The following RUNX2 variants were observed in gnomAD, a reference collection of about 807,000 sequenced individuals.
RUNX2 encodes runt-related transcription factor 2.
Under a neutral mutation model 51.7 loss-of-function variants are expected in RUNX2, and 10 were observed. That is an observed-to-expected ratio of 0.19 (90% CI 0.12 to 0.33). The LOEUF (loss-of-function observed/expected upper bound fraction) is 0.33. Ranked by LOEUF, RUNX2 falls within the 10% of genes least tolerant of loss-of-function variation. RUNX2 has a pLI of 1.00. For missense variants in RUNX2, 562 were observed against 691.3 expected (o/e 0.81, Z 2.10); for synonymous variants, 276 against 273.6 (o/e 1.01, Z -0.09).
intron 2 of RUNX2, among the ~76,000 whole-genome samples, chr6:45,362,742 T>C (rs1438603287): frequency 6.6e-6 from 1 of 152,174 alleles, no homozygotes. Context: ...TAGCCAACAA[T>C]AACTTTTGCA....
intron 5 of RUNX2, among the ~76,000 whole-genome samples, chr6:45,471,632 G>T (rs1042198664): frequency 6.6e-6 from 1 of 152,014 alleles, no homozygotes; most frequent in Non-Finnish European, 1.5e-5. Flanking sequence ...TTTTAATAGA[G>T]ATGGGGTTTC....
intron 7 of RUNX2, among the ~76,000 whole-genome samples, chr6:45,513,265 C>T (rs1801216044): frequency 6.6e-6 from 1 of 152,178 alleles, no homozygotes; most frequent in Non-Finnish European, 1.5e-5. Flanking sequence ...GAACTGCAAA[C>T]ATTGTCCCCA....
chr6:45,440,265 T>A (rs1297564660), intron 5 of RUNX2, among the ~76,000 whole-genome samples: 1 of 152,212 alleles, frequency 6.6e-6, no homozygotes, highest in Admixed American at 6.5e-5. Flanking sequence ...TTTTCCTCCC[T>A]GTTCTTGGCC....
At chr6:45,506,528 T>C (rs1336685008) in intron 6 of RUNX2, among the ~76,000 whole-genome samples, 1 of 152,170 alleles carries the variant, frequency 6.6e-6, no homozygotes, top group East Asian at 1.9e-4. Flanking sequence ...TAAAAACATG[T>C]CAATTTGTTG....
At chr6:45,464,475 A>G (rs528524690) in intron 5 of RUNX2, among the ~76,000 whole-genome samples, 105 of 152,298 alleles carry the variant, frequency 6.9e-4, no homozygotes, top group African/African-American at 2.0e-3. Context: ...AGTGAAATAC[A>G]AGTCCTTTAC....
chr6:45,516,492 C>T (rs1221529311), intron 7 of RUNX2, among the ~76,000 whole-genome samples: 1 of 152,186 alleles, frequency 6.6e-6, no homozygotes, highest in African/African-American at 2.4e-5. Flanking sequence ...ACCTCCTTTC[C>T]TACCATACTT....
At chr6:45,381,187 C>A (rs994523229) in intron 2 of RUNX2, among the ~76,000 whole-genome samples, 2 of 152,076 alleles carry the variant, frequency 1.3e-5, no homozygotes, top group Non-Finnish European at 2.9e-5. Context: ...ATGTTTAGAG[C>A]AAGTTGTTCT....
At chr6:45,541,227 A>G (rs1281724667) in intron 7 of RUNX2, among the ~76,000 whole-genome samples, 5 of 152,328 alleles carry the variant, frequency 3.3e-5, no homozygotes, top group Non-Finnish European at 5.9e-5. Context: ...ATGAGAGGAA[A>G]ACATATTCTT....
intron 5 of RUNX2, among the ~76,000 whole-genome samples, chr6:45,485,697 G>GTGTGTGTATATATATATATATA (rs1219072282): frequency 1.9e-5 from 2 of 104,032 alleles, no homozygotes; most frequent in African/African-American, 7.6e-5. Context: ...GTGTGTGTGT[G>GTGTGTGTATATATATATATATA]TATATATATA....
intron 6 of RUNX2, among the ~76,000 whole-genome samples, chr6:45,495,947 T>C (rs1240746235): frequency 6.6e-6 from 1 of 152,136 alleles, no homozygotes; most frequent in Non-Finnish European, 1.5e-5. Flanking sequence ...TGTCTGATGG[T>C]GATATTTTGT....
At chr6:45,461,725 C>A (rs1423856718) in intron 5 of RUNX2, among the ~76,000 whole-genome samples, 2 of 151,680 alleles carry the variant, frequency 1.3e-5, no homozygotes, top group Non-Finnish European at 2.9e-5. Flanking sequence ...TGGGAGGAAG[C>A]CAAATAGTGA....
chr6:45,540,849 G>A (rs1418680691), intron 7 of RUNX2, among the ~76,000 whole-genome samples: 1 of 152,152 alleles, frequency 6.6e-6, no homozygotes, highest in Non-Finnish European at 1.5e-5. Flanking sequence ...TGGGAGTGAA[G>A]AGGAAATAAC....
intron 4 of RUNX2, among the ~76,000 whole-genome samples, chr6:45,433,510 T>C (rs981536501): frequency 9.2e-5 from 14 of 151,954 alleles, no homozygotes; most frequent in Middle Eastern, 3.4e-3. Flanking sequence ...TTAACTAGAG[T>C]AATGAATTTT....
chr6:45,332,211 T>C lies in RUNX2; in HGVS notation c.58+3427T>C, dbSNP rs556630405. On this transcript the variant is annotated intron_variant, in intron 2 of 8. Transcript: ENST00000647337. ...ACATTCTGTATCACAACTTTTTTTTTCAACAAATATTCATCTAGAGGGCTT... is the reference window on the plus strand; with the variant it reads ...ACATTCTGTATCACAACTTTTTTTTCCAACAAATATTCATCTAGAGGGCTT... 3.9e-5 allele frequency among the ~76,000 whole-genome samples: 6 copies of C among 151,978 alleles called. No individual in the cohort carries two copies. The East Asian group carries it at 1.2e-3, about 29-fold the overall frequency.
intron 2 of RUNX2, among the ~76,000 whole-genome samples, chr6:45,371,157 CA>C (rs1215618409): frequency 6.6e-6 from 1 of 152,004 alleles, no homozygotes; most frequent in African/African-American, 2.4e-5. Context: ...ACAAACATGT[CA>C]AAAAAATAAG....
chr6:45,351,752 A>T (rs1014655015), intron 2 of RUNX2, among the ~76,000 whole-genome samples: 1 of 152,046 alleles, frequency 6.6e-6, no homozygotes, highest in Admixed American at 6.6e-5. Flanking sequence ...AGAACCTCCA[A>T]CATCTCAAAT....
intron 2 of RUNX2, among the ~76,000 whole-genome samples, chr6:45,345,314 T>C (rs1371037106): frequency 6.6e-6 from 1 of 152,208 alleles, no homozygotes; most frequent in East Asian, 1.9e-4. Flanking sequence ...GTAAAACTTT[T>C]GCCCCATCTC....
intron 2 of RUNX2, among the ~76,000 whole-genome samples, chr6:45,337,303 G>A (rs1788771262): frequency 6.6e-6 from 1 of 151,428 alleles, no homozygotes; most frequent in African/African-American, 2.4e-5. Context: ...AAATTTGCTG[G>A]AAAAGCTTGC....
intron 2 of RUNX2, among the ~76,000 whole-genome samples, chr6:45,402,011 G>A (rs905832566): frequency 2.0e-5 from 3 of 152,186 alleles, no homozygotes; most frequent in East Asian, 1.9e-4. Flanking sequence ...CGTCCCATTC[G>A]ACATCGTATT....
Sources: allele counts gnomAD v4.1 joint callset (sites outside exome capture counted in the v4.1 genomes callset), GRCh38; gene constraint gnomAD v4.1.1; transcripts MANE v1.5; gene names NCBI Gene and HGNC (gene_info 2026-07-23, HGNC 2026-07-21).